KHDRBS2: variants seen among roughly 807,000 people sequenced by gnomAD.
KHDRBS2 encodes KH RNA binding domain containing, signal transduction associated 2.
In KHDRBS2, 26 loss-of-function variants were observed where a neutral mutation model predicts 44.3. That is an observed-to-expected ratio of 0.59 (90% confidence interval 0.43 to 0.81). The LOEUF is 0.81. Ranked by LOEUF, KHDRBS2 falls within the 40% of genes least tolerant of loss-of-function variation. The pLI is 0.00. For synonymous variants in KHDRBS2, 194 were observed against 151.1 expected (o/e 1.28, Z -2.08); for missense variants, 476 against 433.1 (o/e 1.10, Z -0.88).
At chr6:62,072,752 A>T (rs566366310) in intron 2 of KHDRBS2, among the ~76,000 whole-genome samples, 1 of 152,220 alleles carries the variant, frequency 6.6e-6, no homozygotes, top group East Asian at 1.9e-4. Context: ...CCATTATTTT[A>T]TTGAGGATTT....
intron 7 of KHDRBS2, among the ~76,000 whole-genome samples, chr6:61,724,979 A>G (rs1381819531): frequency 6.6e-6 from 1 of 152,160 alleles, no homozygotes; most frequent in Non-Finnish European, 1.5e-5. Context: ...TATATACAGA[A>G]ATCTCCACCC....
chr6:61,779,497 C>T (rs1362431636), intron 6 of KHDRBS2, among the ~76,000 whole-genome samples: 2 of 151,996 alleles, frequency 1.3e-5, no homozygotes, highest in African/African-American at 2.4e-5. Flanking sequence ...GTATGGTAAC[C>T]TGTAGAATAT....
At chr6:61,687,233 C>A (rs921812984) in intron 8 of KHDRBS2, among the ~76,000 whole-genome samples, 12 of 151,802 alleles carry the variant, frequency 7.9e-5, no homozygotes, top group African/African-American at 2.7e-4. Context: ...AGTTCACCAT[C>A]ATTTGTCCTC....
the KHDRBS2 span, among the ~76,000 whole-genome samples, chr6:61,645,463 T>TA: frequency 1.8e-3 from 243 of 137,052 alleles, 2 homozygotes; most frequent in African/African-American, 5.5e-3. Flanking sequence ...CACTTGAACC[T>TA]AAAAAAAAAA....
intron 8 of KHDRBS2, among the ~76,000 whole-genome samples, chr6:61,690,355 A>T (rs1767261252): frequency 1.3e-5 from 2 of 151,978 alleles, no homozygotes; most frequent in Non-Finnish European, 2.9e-5. Context: ...TGATCTGTTC[A>T]TCCCAAGAGT....
chr6:62,054,686 A>G (rs1584393071), intron 2 of KHDRBS2, among the ~76,000 whole-genome samples: 1 of 152,030 alleles, frequency 6.6e-6, no homozygotes, highest in East Asian at 1.9e-4. Context: ...GAGCCAAAGA[A>G]TGAAGGCAGC....
the KHDRBS2 span, among the ~76,000 whole-genome samples, chr6:61,640,312 G>C: frequency 5.1e-4 from 78 of 151,482 alleles, no homozygotes; most frequent in East Asian, 0.011. Context: ...TCCATAAAAA[G>C]TTTAAATATA....
chr6:62,117,528 T>C (rs951509989), intron 2 of KHDRBS2, among the ~76,000 whole-genome samples: 8 of 152,096 alleles, frequency 5.3e-5, no homozygotes, highest in Non-Finnish European at 1.2e-4. Flanking sequence ...TGAATAATCT[T>C]CAAATATTTT....
chr6:61,699,597 C>G (rs751665104), intron 7 of KHDRBS2, among the ~76,000 whole-genome samples: 1 of 151,912 alleles, frequency 6.6e-6, no homozygotes, highest in Non-Finnish European at 1.5e-5. Context: ...TAGATGTTCT[C>G]TGAATGTGGT....
intron 3 of KHDRBS2, among the ~76,000 whole-genome samples, chr6:61,987,390 A>T (rs1391723457): frequency 6.6e-6 from 1 of 152,226 alleles, no homozygotes; most frequent in Non-Finnish European, 1.5e-5. Context: ...TTGAAAACAC[A>T]TGATATACTG....
the KHDRBS2 span, among the ~76,000 whole-genome samples, chr6:61,588,526 G>T: frequency 6.6e-6 from 1 of 152,128 alleles, no homozygotes; most frequent in Non-Finnish European, 1.5e-5. Context: ...TTAAAAAGTG[G>T]AATCCTAGCA....
intron 1 of KHDRBS2, among the ~76,000 whole-genome samples, chr6:62,214,606 A>G (rs184012683): frequency 6.6e-6 from 1 of 151,924 alleles, no homozygotes; most frequent in East Asian, 1.9e-4. Context: ...TGGACAAACA[A>G]TATTTTTACC....
chr6:62,145,148 G>A (rs536332877), intron 2 of KHDRBS2, among the ~76,000 whole-genome samples: 31 of 151,744 alleles, frequency 2.0e-4, no homozygotes, highest in Non-Finnish European at 4.1e-4. Flanking sequence ...TTCCTTTACA[G>A]TAATGCAAAA....
chr6:62,032,093 A>G (rs1323197382), intron 3 of KHDRBS2, among the ~76,000 whole-genome samples: 3 of 152,102 alleles, frequency 2.0e-5, no homozygotes, highest in Non-Finnish European at 4.4e-5. Context: ...AGTCTCTGCC[A>G]GTTAATCCAG....
At chr6:61,570,478 GT>G in the KHDRBS2 span, among the ~76,000 whole-genome samples, 1 of 151,992 alleles carries the variant, frequency 6.6e-6, no homozygotes, top group Non-Finnish European at 1.5e-5. Flanking sequence ...AAATCTTAAA[GT>G]TTGAAAAACT....
intron 3 of KHDRBS2, among the ~76,000 whole-genome samples, chr6:62,008,497 G>T (rs574547170): frequency 3.2e-4 from 48 of 152,290 alleles, no homozygotes; most frequent in African/African-American, 1.1e-3. Flanking sequence ...CAAGTCTACA[G>T]ATTTGAAGTA....
intron 2 of KHDRBS2, among the ~76,000 whole-genome samples, chr6:62,049,354 T>C (rs1163778333): frequency 6.6e-6 from 1 of 151,974 alleles, no homozygotes; most frequent in Non-Finnish European, 1.5e-5. Context: ...CTTTCACACG[T>C]AGGCAAACCT....
chr6:61,884,018 C>A (rs1341205572), intron 6 of KHDRBS2, among the ~76,000 whole-genome samples: 1 of 152,050 alleles, frequency 6.6e-6, no homozygotes, highest in Non-Finnish European at 1.5e-5. Flanking sequence ...TCTTTCCTTG[C>A]ACAAAAATGG....
the KHDRBS2 span, among the ~76,000 whole-genome samples, chr6:61,589,150 G>T: frequency 6.6e-6 from 1 of 152,106 alleles, no homozygotes; most frequent in South Asian, 2.1e-4. Context: ...TAGATGATAG[G>T]TTGATAGGTG....
Sources: gnomAD v4.1 joint callset for allele counts (sites outside exome capture counted in the v4.1 genomes callset) on GRCh38, gnomAD v4.1.1 for gene constraint, MANE v1.5 for transcripts, NCBI Gene and HGNC (gene_info 2026-07-23, HGNC 2026-07-21) for gene names.